VPS8: variants seen among roughly 807,000 people sequenced by gnomAD.
The protein encoded by VPS8 is VPS8 subunit of CORVET complex, also known as vacuolar protein sorting-associated protein 8 homolog.
Under a neutral mutation model 216.4 loss-of-function variants are expected in VPS8, and 129 were observed. The observed-to-expected ratio is 0.60, with a 90% confidence interval of 0.52 to 0.69. VPS8 has a LOEUF of 0.69. Ranked by LOEUF, VPS8 falls within the 30% of genes least tolerant of loss-of-function variation. The pLI, the probability that VPS8 is intolerant of heterozygous loss-of-function variation, is 0.00. For synonymous variants in VPS8, 571 were observed against 565.4 expected, an observed-to-expected ratio of 1.01 and a Z score of -0.14; for missense variants, 1,531 against 1,683.5, an observed-to-expected ratio of 0.91 and a Z score of 1.59.
intron 36 of VPS8, among the ~76,000 whole-genome samples, chr3:184,948,076 G>A: frequency 6.6e-6 from 1 of 152,060 alleles, no homozygotes; most frequent in East Asian, 1.9e-4. Context: ...TGAAACATAA[G>A]TTCTCTTTAT....
intron 22 of VPS8, among the ~76,000 whole-genome samples, chr3:184,888,258 G>T (rs1731669283): frequency 1.3e-5 from 2 of 152,146 alleles, no homozygotes; most frequent in Admixed American, 1.3e-4. Context: ...AGAGTGCTGG[G>T]ATTACAGGCA....
Position 185,017,476 on chromosome 3 carries a change from C to T in VPS8, c.4003-6860C>T, listed in dbSNP as rs1755966615. ...TTAATTTCACCTTTCCCCATTTCCACATACGGCACAATCAGGAGCTGTGCC... is the reference window on the plus strand; with the variant it reads ...TTAATTTCACCTTTCCCCATTTCCATATACGGCACAATCAGGAGCTGTGCC... On this transcript the variant is annotated intron_variant, in intron 45 of 47. Coordinates refer to ENST00000625842, the MANE Select transcript of VPS8 (RefSeq NM_001009921.3). 2.0e-5 allele frequency among the ~76,000 whole-genome samples: 3 copies of T among 152,228 alleles called. No homozygotes were observed. The South Asian group carries it at 6.2e-4, about 31-fold the overall frequency.
At position 184,860,468 on chromosome 3, in the gene VPS8, T is replaced by TACACAC. The variant is rs59791657; in HGVS notation, c.1224+431_1224+436dup. Reference sequence around the variant, plus strand: ...ATGTATATGTATGTATACACACACATACACACACACACACACACACACACA... The same window carrying TACACAC: ...ATGTATATGTATGTATACACACACATACACACACACACACACACACACACACACACA... On this transcript the variant is annotated intron_variant, in intron 15 of 47. Coordinates refer to ENST00000625842, the MANE Select transcript of VPS8 (RefSeq NM_001009921.3). 2.7e-3 allele frequency among the ~76,000 whole-genome samples: 394 copies of TACACAC among 147,298 alleles called. 2 individuals carry two copies. Among genetic ancestry groups the TACACAC allele is most frequent in the African/African-American group, 7.0e-3 (280 of 40,266 alleles).
At chr3:185,034,789 A>AG (rs1391689297) in intron 46 of VPS8, among the ~76,000 whole-genome samples, 1 of 152,160 alleles carries the variant, frequency 6.6e-6, no homozygotes, top group Non-Finnish European at 1.5e-5. Flanking sequence ...ATATTTGCCA[A>AG]GGGTCAATGA....
At chr3:184,894,507 C>CGTGT (rs57309344) in intron 22 of VPS8, among the ~76,000 whole-genome samples, 196 bp from the exon 23 acceptor site, 1 of 91,918 alleles carries the variant, frequency 1.1e-5, no homozygotes, top group African/African-American at 3.4e-5. Flanking sequence ...TATATACACA[C>CGTGT]GTATATATAT....
At position 185,026,087 on chromosome 3, in the gene VPS8, T is replaced by TA. The variant is rs1757300992; in HGVS notation, c.4056+1699dup. Among the ~76,000 whole-genome samples, 3 of 152,302 alleles carry TA rather than the reference T, an allele frequency of 2.0e-5. No homozygotes were observed. In the South Asian group the frequency reaches 6.2e-4, roughly 32 times the overall value. ...TCCTCTTACTTTATCATGCTGCTTG[T>TA]ATAATATTGTTCATTCAGCAAGTAT... On this transcript the variant is annotated intron_variant, in intron 46 of 47. Coordinates refer to ENST00000625842, the MANE Select transcript of VPS8 (RefSeq NM_001009921.3).
At chr3:184,939,874 CA>C (rs1222291134) in intron 35 of VPS8, among the ~76,000 whole-genome samples, 1 of 152,138 alleles carries the variant, frequency 6.6e-6, no homozygotes, top group African/African-American at 2.4e-5. Context: ...ATCCACAGAG[CA>C]GTTCCAAGCA....
In VPS8 at chr3:184,854,026, A is replaced by T. The variant is rs893673893; in HGVS notation, c.975+16A>T. On this transcript the variant is annotated intron_variant, in intron 12 of 47. Coordinates refer to ENST00000625842, the MANE Select transcript of VPS8 (RefSeq NM_001009921.3). ...CTTGACAAAAGTAAGTGTATTTAGA[A>T]GTTAAAACTCAGAACTTTTAGAAGC... The T allele has an allele frequency of 6.8e-6, 11 of 1,613,244 alleles. No homozygotes were observed. Among genetic ancestry groups the T allele is most frequent in the Non-Finnish European group, 9.3e-6 (11 of 1,179,502 alleles).
At chr3:184,902,742 A>C (rs1354326173) in intron 25 of VPS8, among the ~76,000 whole-genome samples, 1 of 151,698 alleles carries the variant, frequency 6.6e-6, no homozygotes, top group Non-Finnish European at 1.5e-5. Context: ...AGGCAGGAGA[A>C]TCGCTTGAAC....
intron 1 of VPS8, chr3:184,816,060 T>G (rs991431071): frequency 6.6e-6 from 1 of 152,150 alleles, no homozygotes; most frequent in Non-Finnish European, 1.5e-5. Context: ...CTTGTGCTTT[T>G]TAGGAGGAGT....
At chr3:184,914,109 C>CT (rs1252684988) in intron 26 of VPS8, among the ~76,000 whole-genome samples, 4 of 152,200 alleles carry the variant, frequency 2.6e-5, no homozygotes, top group African/African-American at 9.7e-5. Context: ...CCTGATAGAA[C>CT]TTTTCGGTAG....
chr3:184,984,138 C>G (rs1750661697), intron 42 of VPS8, among the ~76,000 whole-genome samples: 1 of 97,846 alleles, frequency 1.0e-5, no homozygotes, highest in Non-Finnish European at 1.9e-5. Context: ...GAGCCGAGAT[C>G]GAGCCACTGC....
chr3:184,894,505 C>CAA (rs1467551232), intron 22 of VPS8, among the ~76,000 whole-genome samples, 198 bp from the exon 23 acceptor site: 1 of 72,776 alleles, frequency 1.4e-5, no homozygotes, highest in African/African-American at 5.2e-5. Flanking sequence ...TATATATACA[C>CAA]ACGTATATAT....
At position 184,814,331 on chromosome 3, in the gene VPS8, A is replaced by T. The variant is rs183788958; in HGVS notation, c.-89+2106A>T. On this transcript the variant is annotated intron_variant, in intron 1 of 47. Coordinates refer to ENST00000625842, the MANE Select transcript of VPS8 (RefSeq NM_001009921.3). ...CCCCCAGTTCCCTATCTCCTCTGCAACTGTAATTGCAAGCCTCATTCTTCC... is the reference window on the plus strand; with the variant it reads ...CCCCCAGTTCCCTATCTCCTCTGCATCTGTAATTGCAAGCCTCATTCTTCC... Among the ~76,000 whole-genome samples the T allele has an allele frequency of 1.2e-3, 176 of 152,304 alleles. 1 individual carries two copies. The highest frequency in any genetic ancestry group is 9.7e-4 in the Non-Finnish European group (66 of 68,024).
Position 184,866,869 on chromosome 3 carries a change from C to T in VPS8, c.1396-7C>T, listed in dbSNP as rs780011593. ...TTACCTTTTTTGTATGTATGTTTTT[C>T]TTCCAGGCTTTGGTTGGAGAGAAGG... On this transcript the variant is annotated splice_region_variant and splice_polypyrimidine_tract_variant and intron_variant, in intron 16 of 47. Coordinates refer to ENST00000625842, the MANE Select transcript of VPS8 (RefSeq NM_001009921.3). The T allele has an allele frequency of 5.0e-6, 8 of 1,607,630 alleles. No individual in the cohort carries two copies. The highest frequency in any genetic ancestry group is 6.8e-6 in the Non-Finnish European group (8 of 1,178,182).
intron 47 of VPS8, among the ~76,000 whole-genome samples, chr3:185,049,985 C>T (rs1577292050): frequency 6.6e-6 from 1 of 152,130 alleles, no homozygotes; most frequent in African/African-American, 2.4e-5. Context: ...CTAAGCTCTG[C>T]CCCAGGAGTT....
chr3:184,994,941 TG>T (rs1372741730), intron 43 of VPS8, among the ~76,000 whole-genome samples: 1 of 152,154 alleles, frequency 6.6e-6, no homozygotes, highest in Non-Finnish European at 1.5e-5. Context: ...GAAGAGAGCT[TG>T]TGCAGGGAAA....
At chr3:184,824,951 G>T in intron 2 of VPS8, 166 bp downstream of exon 2, 1 of 672,368 alleles carries the variant, frequency 1.5e-6, no homozygotes, top group Non-Finnish European at 2.5e-6. Flanking sequence ...TGTTGTCCAG[G>T]TTGGAGTACA....
intron 8 of VPS8, among the ~76,000 whole-genome samples, chr3:184,848,564 C>CTTTTTTTTTTTTT (rs35715889): frequency 1.1e-5 from 1 of 87,204 alleles, no homozygotes. Flanking sequence ...TTCCTGTATT[C>CTTTTTTTTTTTTT]TTTTTTTTTT....
Sources: allele counts gnomAD v4.1 joint callset (sites outside exome capture counted in the v4.1 genomes callset), GRCh38; gene constraint gnomAD v4.1.1; transcripts MANE v1.5; gene names NCBI Gene and HGNC (gene_info 2026-07-23, HGNC 2026-07-21).